COL11A1: variants seen among roughly 807,000 people sequenced by gnomAD.
COL11A1 encodes collagen alpha-1(XI) chain.
In COL11A1, 74 loss-of-function variants were observed where a neutral mutation model predicts 265.2. That is an observed-to-expected ratio of 0.28 (90% confidence interval 0.23 to 0.34). The LOEUF (loss-of-function observed/expected upper bound fraction) is 0.34. COL11A1 is among the 10% of genes least tolerant of loss of function. The pLI, the probability that COL11A1 is intolerant of heterozygous loss-of-function variation, is 1.00. For missense variants in COL11A1, 2,165 were observed against 2,263.6 expected, an observed-to-expected ratio of 0.96 and a Z score of 0.88; for synonymous variants, 816 against 727.6, an observed-to-expected ratio of 1.12 and a Z score of -1.96.
At chr1:102,984,902 C>G (rs1663391279) in intron 30 of COL11A1, among the ~76,000 whole-genome samples, 1 of 151,696 alleles carries the variant, frequency 6.6e-6, no homozygotes, top group Admixed American at 6.6e-5. Flanking sequence ...TCTGAAAGTG[C>G]TAAAACAAAA....
intron 1 of COL11A1, among the ~76,000 whole-genome samples, chr1:103,089,263 G>C (rs1483801118): frequency 2.6e-5 from 4 of 152,162 alleles, no homozygotes; most frequent in Non-Finnish European, 5.9e-5. Flanking sequence ...GGTGGCTTCA[G>C]ACCTAGTCAA....
intron 25 of COL11A1, 149 bp from the exon 26 acceptor site, chr1:102,997,273 T>C: frequency 1.4e-6 from 1 of 719,146 alleles, no homozygotes; most frequent in Middle Eastern, 2.9e-4. Context: ...TGTGTATGGC[T>C]TTAAATAAAT....
chr1:102,979,128 A>G, intron 32 of COL11A1, 24 bp from the exon 33 acceptor site: 1 of 1,608,532 alleles, frequency 6.2e-7, no homozygotes, highest in South Asian at 1.1e-5. Context: ...TTCAATTTCA[A>G]TATGCAGTAT....
Position 102,940,577 on chromosome 1 carries a change from T to TAGGGA in COL11A1, c.3277-144_3277-143insTCCCT, listed in dbSNP as rs2101308909. On this transcript the variant is annotated intron_variant, in intron 42 of 66. Transcript: ENST00000370096. Reference sequence around the variant, plus strand: ...TAAAGAATAAATGATACATGTTCCCTACCTTCATTTGTGACTAAGAATACT... The same window carrying TAGGGA: ...TAAAGAATAAATGATACATGTTCCCTAGGGAACCTTCATTTGTGACTAAGAATACT... 4 of 651,990 alleles carry TAGGGA rather than the reference T, an allele frequency of 6.1e-6. No homozygotes were observed. In the East Asian group the frequency reaches 8.2e-5, roughly 13 times the overall value. 40.4% of individuals were successfully genotyped at this position (651,990 alleles called of 1,614,324 possible). A position where few individuals can be genotyped will look rare whatever the true frequency, so the allele number is the denominator to read the frequency against.
intron 31 of COL11A1, among the ~76,000 whole-genome samples, chr1:102,982,572 G>T (rs1663139728): frequency 6.6e-6 from 1 of 152,010 alleles, no homozygotes; most frequent in South Asian, 2.1e-4. Context: ...ATGATAAAAA[G>T]TATTAATCAG....
chr1:103,025,505 T>C lies in COL11A1; in HGVS notation c.990+16A>G. 2 of 1,530,750 alleles carry C rather than the reference T, an allele frequency of 1.3e-6. No homozygotes were observed. The highest frequency in any genetic ancestry group is 1.8e-6 in the Non-Finnish European group (2 of 1,104,628). The allele number at this position is 1,530,750 out of a possible 1,614,324, so 94.8% of individuals were successfully genotyped here. ...AAAAAGTGGGACTGTGATTTAATACTGTCTATACGTATTACCTCATTTGTC... is the reference window on the plus strand; with the variant it reads ...AAAAAGTGGGACTGTGATTTAATACCGTCTATACGTATTACCTCATTTGTC... On this transcript the variant is annotated intron_variant, in intron 7 of 66. Transcript: ENST00000370096.
At chr1:102,936,656 G>A (rs1422345873) in intron 44 of COL11A1, among the ~76,000 whole-genome samples, 6 of 152,006 alleles carry the variant, frequency 3.9e-5, no homozygotes, top group Admixed American at 1.3e-4. Context: ...AACACTTTGA[G>A]GACCTTACCC....
chr1:103,011,001 G>A (rs968595016), intron 14 of COL11A1, among the ~76,000 whole-genome samples: 6 of 152,002 alleles, frequency 3.9e-5, no homozygotes, highest in Admixed American at 2.6e-4. Flanking sequence ...CGCCCAGCCT[G>A]ATATTTGTAA....
chr1:102,984,939 G>A (rs1011752290), intron 30 of COL11A1, among the ~76,000 whole-genome samples: 1 of 151,928 alleles, frequency 6.6e-6, no homozygotes, highest in East Asian at 1.9e-4. Context: ...GTCCAACAAT[G>A]TGTAACAAAT....
Position 102,940,341 on chromosome 1 carries a change from C to T in COL11A1, c.3370G>A (p.Glu1124Lys). The T allele has an allele frequency of 6.2e-7, 1 of 1,613,594 alleles. No homozygotes were observed. Among genetic ancestry groups the T allele is most frequent in the Non-Finnish European group, 8.5e-7 (1 of 1,179,566 alleles). ...GPAGPAGSPGEDGDKGEIGEP... is the reference protein window; with the variant it reads ...GPAGPAGSPGKDGDKGEIGEP... ...TGAATACCAACCTTGTCTCCGTCTTCCCCAGGGGAGCCGGCAGGACCAGCT... is the reference window on the plus strand; with the variant it reads ...TGAATACCAACCTTGTCTCCGTCTTTCCCAGGGGAGCCGGCAGGACCAGCT... The change falls in exon 43 of 67, where the codon GAA becomes AAA. Residue 1124 changes from glutamate to lysine, a missense_variant. Transcript: ENST00000370096.
intron 4 of COL11A1, among the ~76,000 whole-genome samples, chr1:103,034,819 A>C (rs1668239641): frequency 6.6e-6 from 1 of 152,030 alleles, no homozygotes; most frequent in South Asian, 2.1e-4. Context: ...ATTAAATAAC[A>C]ACCCTGAAAT....
Position 102,980,084 on chromosome 1 carries a change from T to G in COL11A1, c.2557-649A>C, listed in dbSNP as rs537597786. ...ATGTTAGTTATGCATCAGCTAAATG[T>G]ATCAGCTAAGTAAGTTTGGTACATT... On this transcript the variant is annotated intron_variant, in intron 31 of 66. Coordinates refer to ENST00000370096, the MANE Select transcript of COL11A1 (RefSeq NM_001854.4). Among the ~76,000 whole-genome samples the G allele has an allele frequency of 3.5e-4, 53 of 152,276 alleles. 1 individual carries two copies. The South Asian group carries it at 7.7e-3, about 22-fold the overall frequency.
At chr1:103,019,378 A>C (rs1461306296) in intron 9 of COL11A1, among the ~76,000 whole-genome samples, 4 of 152,184 alleles carry the variant, frequency 2.6e-5, no homozygotes, top group African/African-American at 9.7e-5. Flanking sequence ...ATTCAGAATA[A>C]GAACTCAGTT....
intron 4 of COL11A1, among the ~76,000 whole-genome samples, chr1:103,073,806 G>C (rs1384123785): frequency 1.3e-5 from 2 of 151,886 alleles, no homozygotes; most frequent in Admixed American, 1.3e-4. Flanking sequence ...ATATATGTGT[G>C]TGTACACATC....
intron 1 of COL11A1, among the ~76,000 whole-genome samples, chr1:103,084,336 A>C (rs940077923): frequency 1.3e-5 from 2 of 152,174 alleles, no homozygotes; most frequent in African/African-American, 2.4e-5. Flanking sequence ...ACTCATACAG[A>C]AGTGCCATAT....
In COL11A1 at chr1:102,962,762, T is replaced by C. The variant is rs756096354; in HGVS notation, c.2917-2A>G. On this transcript the variant is annotated splice_acceptor_variant, in intron 38 of 66. Coordinates refer to ENST00000370096, the MANE Select transcript of COL11A1 (RefSeq NM_001854.4). LOFTEE classifies it high-confidence loss of function. ...TGGACCAGTCTCACCGGTTGGTCCCTAAATTAGATAAGCAAAATCACTTTA... is the reference window on the plus strand; with the variant it reads ...TGGACCAGTCTCACCGGTTGGTCCCCAAATTAGATAAGCAAAATCACTTTA... 1 of 1,613,546 alleles carries C rather than the reference T, an allele frequency of 6.2e-7. No individual in the cohort carries two copies. The highest frequency in any genetic ancestry group is 8.5e-7 in the Non-Finnish European group (1 of 1,179,530).
At chr1:102,931,194 A>G (rs1570767254) in intron 46 of COL11A1, among the ~76,000 whole-genome samples, 1 of 147,062 alleles carries the variant, frequency 6.8e-6, no homozygotes, top group African/African-American at 2.5e-5. Flanking sequence ...TAGGGTGTCA[A>G]TTTTGGATCT....
chr1:103,043,452 G>A (rs2102066143), intron 4 of COL11A1, among the ~76,000 whole-genome samples: 1 of 152,006 alleles, frequency 6.6e-6, no homozygotes, highest in East Asian at 1.9e-4. Flanking sequence ...AACTTCATGA[G>A]AGCAGGGACT....
At chr1:102,934,883 T>A (rs1050693761) in intron 45 of COL11A1, among the ~76,000 whole-genome samples, 177 bp downstream of exon 45, 1 of 152,262 alleles carries the variant, frequency 6.6e-6, no homozygotes, top group Non-Finnish European at 1.5e-5. Context: ...AGTTACAATA[T>A]GTTTTGTTTC....
Sources: allele counts gnomAD v4.1 joint callset (sites outside exome capture counted in the v4.1 genomes callset), GRCh38; gene constraint gnomAD v4.1.1; transcripts MANE v1.5; gene names NCBI Gene and HGNC (gene_info 2026-07-23, HGNC 2026-07-21).